ACIN1: variants seen among roughly 807,000 people sequenced by gnomAD.
The protein encoded by ACIN1 is apoptotic chromatin condensation inducer 1.
A neutral mutation model predicts 146.6 loss-of-function variants in ACIN1; 16 were observed. That is an observed-to-expected ratio of 0.11 (90% CI 0.07 to 0.17). ACIN1 has a LOEUF of 0.17. ACIN1 is among the 10% of genes least tolerant of loss of function. ACIN1 has a pLI of 1.00. For synonymous variants in ACIN1, 569 were observed against 582.7 expected, an observed-to-expected ratio of 0.98 and a Z score of 0.34; for missense variants, 1,357 against 1,609.3, an observed-to-expected ratio of 0.84 and a Z score of 2.68.
intron 4 of ACIN1, among the ~76,000 whole-genome samples, chr14:23,085,846 A>T (rs1385372928): frequency 6.6e-6 from 1 of 152,242 alleles, no homozygotes; most frequent in African/African-American, 2.4e-5. Flanking sequence ...GATACTGATA[A>T]CAGGCTAATA....
At chr14:23,064,306 C>G (rs1243503624) in intron 11 of ACIN1, 49 bp from the exon 12 acceptor site, 1 of 1,613,922 alleles carries the variant, frequency 6.2e-7, no homozygotes, top group Non-Finnish European at 8.5e-7. Context: ...CATGTCTACT[C>G]CCACCTTAAC....
At chr14:23,090,437 A>T in intron 3 of ACIN1, 85 bp downstream of exon 3, 1 of 1,206,078 alleles carries the variant, frequency 8.3e-7, no homozygotes. Flanking sequence ...TTATTTCTGA[A>T]ATTGTCTAGT....
chr14:23,071,414 G>A (rs567586670), intron 8 of ACIN1: 403 of 1,551,616 alleles, frequency 2.6e-4, no homozygotes, highest in Non-Finnish European at 3.3e-4. Flanking sequence ...AGAGATAAGC[G>A]TTAAGTCCTC....
chr14:23,073,925 G>A (rs1197322027), intron 8 of ACIN1, among the ~76,000 whole-genome samples: 2 of 146,616 alleles, frequency 1.4e-5, no homozygotes, highest in Admixed American at 7.0e-5. Context: ...TGCAAGCTCC[G>A]CCTCCGGGGT....
chr14:23,071,353 G>A (rs1163060221), intron 8 of ACIN1: 1 of 1,522,742 alleles, frequency 6.6e-7, no homozygotes. Context: ...AATGGTAAAT[G>A]GAAGGGGAGG....
At chr14:23,074,933 C>T (rs1458514534) in intron 8 of ACIN1, among the ~76,000 whole-genome samples, 1 of 152,086 alleles carries the variant, frequency 6.6e-6, no homozygotes, top group African/African-American at 2.4e-5. Context: ...TAATAAGAAA[C>T]AGTGGGACTA....
chr14:23,095,168 C>T (rs2140267874), upstream of ACIN1: 2 of 1,614,256 alleles, frequency 1.2e-6, no homozygotes, highest in Middle Eastern at 1.6e-4. Flanking sequence ...CGGTAATTTC[C>T]GCCAACGCCC....
rs1195511409 is a variant in ACIN1, at chr14:23,061,666, A to C, written c.3100-44T>G. ...CAAGGACAGTTAGGATAGAGGTGAT[A>C]TCACTCCCACTCAAGGAGCCAGGAT... On this transcript the variant is annotated intron_variant, in intron 16 of 18. Coordinates refer to ENST00000605057, the MANE Select transcript of ACIN1 (RefSeq NM_001386863.1). 4 of 1,467,706 alleles carry C rather than the reference A, an allele frequency of 2.7e-6. No homozygotes were observed. In the East Asian group the frequency reaches 9.9e-5, roughly 36 times the overall value. The allele number at this position is 1,467,706 out of a possible 1,614,324, so 90.9% of individuals were successfully genotyped here. A position where few individuals can be genotyped will look rare whatever the true frequency, so the allele number is the denominator to read the frequency against.
chr14:23,088,636 G>A lies in ACIN1; in HGVS notation c.436+1346C>T, dbSNP rs181169810. Among the ~76,000 whole-genome samples the A allele has an allele frequency of 1.7e-3, 245 of 146,982 alleles. 1 individual carries two copies. The highest frequency in any genetic ancestry group is 5.8e-3 in the African/African-American group (229 of 39,744). Reference sequence around the variant, plus strand: ...ACATCCTAAAAACACTGATTATGGTGGATTCCGCATCCCCCTCAACACTAA... The same window carrying A: ...ACATCCTAAAAACACTGATTATGGTAGATTCCGCATCCCCCTCAACACTAA... On this transcript the variant is annotated intron_variant, in intron 4 of 18. Transcript: ENST00000605057.
At chr14:23,074,487 C>A (rs1240949702) in intron 8 of ACIN1, among the ~76,000 whole-genome samples, 2 of 152,022 alleles carry the variant, frequency 1.3e-5, no homozygotes, top group African/African-American at 4.8e-5. Context: ...ATTGCTTGAA[C>A]CCAGGAGGCG....
In ACIN1 at chr14:23,079,603, C is replaced by G. The variant is rs540245781; in HGVS notation, c.1732G>C (p.Glu578Gln). The change falls in exon 6 of 19, where the codon GAG becomes CAG. Residue 578 changes from glutamate to glutamine, a missense_variant. Around this residue, in one of 4 missense-constraint regions of ACIN1, gnomAD observed 771 missense variants for 746.6 expected, o/e 1.03. Coordinates refer to ENST00000605057, the MANE Select transcript of ACIN1 (RefSeq NM_001386863.1). The stretch of plus-strand genomic sequence containing the variant: ...CGTGAACGTGACCTTGATCTGGACT[C>G]TGATGTTGATCTGGAGCCCATCTTG... ...RPKMGSRSTS[E>Q]SRSRSRSRSR... The G allele has an allele frequency of 2.5e-5, 41 of 1,613,058 alleles. No homozygotes were observed. In the South Asian group the frequency reaches 4.4e-4, roughly 17 times the overall value.
At chr14:23,095,511 T>A (rs1374609154), upstream of ACIN1, 1 of 586,768 alleles carries the variant, frequency 1.7e-6, no homozygotes, top group East Asian at 3.0e-5. Context: ...GTGCGTGGGC[T>A]GCCGGGCTGG....
At chr14:23,093,106 T>C (rs578162429) in intron 2 of ACIN1, among the ~76,000 whole-genome samples, 1 of 152,336 alleles carries the variant, frequency 6.6e-6, no homozygotes, top group Non-Finnish European at 1.5e-5. Context: ...TCAGCAACTA[T>C]TTCCCTACAC....
Position 23,067,593 on chromosome 14 carries a change from G to T in ACIN1, c.2266-1585C>A. 1.0e-6 allele frequency: 1 copy of T among 985,942 alleles called. No individual in the cohort carries two copies. Among genetic ancestry groups the T allele is most frequent in the Non-Finnish European group, 1.2e-6 (1 of 830,020 alleles). 61.1% of individuals were successfully genotyped at this position (985,942 alleles called of 1,614,324 possible). ...TGGCCAGGCTCAGCGAGGGATAGAG[G>T]GGGGAAAGGGGCAGAGACATCAGTC... is the stretch of plus-strand genomic sequence containing the variant. On this transcript the variant is annotated intron_variant, in intron 9 of 18. Coordinates refer to ENST00000605057, the MANE Select transcript of ACIN1 (RefSeq NM_001386863.1). The surrounding 1 kb of genome is among the most constrained non-coding windows in gnomAD (Gnocchi z 4.6).
chr14:23,080,386 T>G lies in ACIN1; in HGVS notation c.949A>C (p.Lys317Gln). Residue 317 changes from lysine (K) to glutamine (Q), a missense_variant, in exon 6 of 19, where the codon AAA becomes CAA. By Grantham distance (53) the Lys-to-Gln change is moderately conservative (BLOSUM62 1). Transcript: ENST00000605057. ...TTTTCCTTTAAGCCTTGTGAAGATTTTATTTCTCTTTCTTCCTCCTCAAGG... is the reference window on the plus strand; with the variant it reads ...TTTTCCTTTAAGCCTTGTGAAGATTGTATTTCTCTTTCTTCCTCCTCAAGG... ...SPLEEEEREI[K>Q]SSQGLKEKSK... 1 of 1,614,162 alleles carries G rather than the reference T, an allele frequency of 6.2e-7. No individual in the cohort carries two copies. The highest frequency in any genetic ancestry group is 8.5e-7 in the Non-Finnish European group (1 of 1,180,006).
At chr14:23,094,720 A>G (rs1021971884) in intron 1 of ACIN1, 27 of 654,786 alleles carry the variant, frequency 4.1e-5, no homozygotes, top group Non-Finnish European at 5.7e-5. Context: ...GGAAGGAGGA[A>G]GGAGCTTAAG....
In ACIN1 at chr14:23,061,992, A is replaced by G. The variant is rs887136843; in HGVS notation, c.3099+176T>C. ...GTCTCAAAAAAAAAAAAAAAAAAAA[A>G]AGGAGCCCAGGTACCACTTTGAAGC... On this transcript the variant is annotated intron_variant, in intron 16 of 18. Coordinates refer to ENST00000605057, the MANE Select transcript of ACIN1 (RefSeq NM_001386863.1). Among the ~76,000 whole-genome samples the G allele has an allele frequency of 1.1e-4, 16 of 151,128 alleles. No individual in the cohort carries two copies. In the East Asian group the frequency reaches 3.1e-3, roughly 29 times the overall value.
At chr14:23,084,103 C>T (rs954667677) in intron 4 of ACIN1, among the ~76,000 whole-genome samples, 3 of 151,954 alleles carry the variant, frequency 2.0e-5, no homozygotes, top group East Asian at 3.9e-4. Context: ...CCCGCCACCA[C>T]GCCTGGTTAA....
At chr14:23,071,686 CT>C in intron 8 of ACIN1, 1 of 918,172 alleles carries the variant, frequency 1.1e-6, no homozygotes, top group Non-Finnish European at 1.6e-6. Context: ...AGGGAGCCGA[CT>C]GCTGGCTCCA....
Sources: allele counts gnomAD v4.1 joint callset (sites outside exome capture counted in the v4.1 genomes callset), GRCh38; gene constraint gnomAD v4.1.1; regional missense constraint gnomAD v4.1.1; non-coding constraint Gnocchi (gnomAD v3.1); transcripts MANE v1.5; gene names NCBI Gene and HGNC (gene_info 2026-07-23, HGNC 2026-07-21).